SNPH: variants seen among roughly 807,000 people sequenced by gnomAD.
SNPH encodes syntaphilin.
A neutral mutation model predicts 36.8 loss-of-function variants in SNPH; 10 were observed. The observed-to-expected ratio is 0.27, with a 90% CI of 0.17 to 0.46. The LOEUF is 0.46. Ranked by LOEUF, SNPH falls within the 20% of genes least tolerant of loss-of-function variation. The pLI, the probability that SNPH is intolerant of heterozygous loss-of-function variation, is 1.00. For synonymous variants in SNPH, 281 were observed against 312.2 expected (o/e 0.90, Z 1.05); for missense variants, 622 against 744.0 (o/e 0.84, Z 1.91).
intron 2 of SNPH, among the ~76,000 whole-genome samples, chr20:1,281,730 C>T (rs1217551343): frequency 6.6e-6 from 1 of 152,246 alleles, no homozygotes; most frequent in Non-Finnish European, 1.5e-5. Flanking sequence ...CTCTTCTGCC[C>T]AACCCCTCAG....
intron 2 of SNPH, among the ~76,000 whole-genome samples, chr20:1,275,968 C>A (rs2088127163): frequency 6.6e-6 from 1 of 152,154 alleles, no homozygotes; most frequent in South Asian, 2.1e-4. Flanking sequence ...GTCTCAAGGC[C>A]CAGCTCAAAC....
At position 1,297,028 on chromosome 20, in the gene SNPH, CCT is replaced by C; in HGVS notation, c.183-116_183-115del. 2.7e-6 allele frequency: 4 copies of C among 1,465,432 alleles called. 1 individual carries two copies. The South Asian group carries it at 5.8e-5, about 21-fold the overall frequency. The allele number at this position is 1,465,432 out of a possible 1,614,324, so 90.8% of individuals were successfully genotyped here. A position where few individuals can be genotyped will look rare whatever the true frequency, so the allele number is the denominator to read the frequency against. On this transcript the variant is annotated intron_variant, in intron 4 of 6. Coordinates refer to ENST00000381867, the MANE Select transcript of SNPH (RefSeq NM_001318234.2). ...CGTCTCTCTCTCCCTGCTTCTCTCC[CCT>C]GTGGTGACCCCAAAGCGGGGGCACT... is the stretch of plus-strand genomic sequence containing the variant.
At chr20:1,267,506 G>A (rs1442028189) in intron 2 of SNPH, among the ~76,000 whole-genome samples, 1 of 152,188 alleles carries the variant, frequency 6.6e-6, no homozygotes, top group Non-Finnish European at 1.5e-5. Context: ...GCAGAGTCGT[G>A]TAAGGAAAGT....
At position 1,266,896 on chromosome 20, in the gene SNPH, AC is replaced by A; in HGVS notation, c.-493+139del. On this transcript the variant is annotated intron_variant, in intron 2 of 6. Transcript: ENST00000381867. This position sits in a 1 kb window ranked among gnomAD's most constrained non-coding sequence, Gnocchi z 6.0. ...GAGGGGTTAATCGTGACTCATTCTT[AC>A]CCTCCCTTCATTCCCCTACATCCCT... is the stretch of plus-strand genomic sequence containing the variant. The A allele has an allele frequency of 8.4e-7, 1 of 1,192,828 alleles. No individual in the cohort carries two copies. The highest frequency in any genetic ancestry group is 1.1e-6 in the Non-Finnish European group (1 of 946,946). 73.9% of individuals were successfully genotyped at this position (1,192,828 alleles called of 1,614,324 possible).
chr20:1,278,496 G>A (rs2088179463), intron 2 of SNPH, among the ~76,000 whole-genome samples: 1 of 151,946 alleles, frequency 6.6e-6, no homozygotes, highest in Non-Finnish European at 1.5e-5. Context: ...CATCTCCATC[G>A]TCCCCAAAAG....
intron 2 of SNPH, among the ~76,000 whole-genome samples, chr20:1,278,359 C>T (rs2088177982): frequency 6.6e-6 from 1 of 152,138 alleles, no homozygotes; most frequent in Non-Finnish European, 1.5e-5. Flanking sequence ...CACTCTTTCC[C>T]ATCCTCCTCC....
rs2088406326 is a variant in SNPH, at chr20:1,294,663, GT to G, written c.-492-287del. On this transcript the variant is annotated intron_variant, in intron 2 of 6. Transcript: ENST00000381867. This position sits in a 1 kb window ranked among gnomAD's most constrained non-coding sequence, Gnocchi z 4.4. ...TCCAGGGGAACAGGCTGTGTTCTAT[GT>G]CCCCGCCAGGAAACAGGCCATCTGA... is the stretch of plus-strand genomic sequence containing the variant. Among the ~76,000 whole-genome samples, 1 of 152,194 alleles carries G rather than the reference GT, an allele frequency of 6.6e-6. No individual in the cohort carries two copies. Among genetic ancestry groups the G allele is most frequent in the Non-Finnish European group, 1.5e-5 (1 of 68,032 alleles).
chr20:1,298,220 C>T (rs537450431), intron 5 of SNPH, among the ~76,000 whole-genome samples: 6 of 151,546 alleles, frequency 4.0e-5, no homozygotes, highest in African/African-American at 9.7e-5. Flanking sequence ...TCGGAAGCTT[C>T]GGTGACTTGA....
Position 1,305,074 on chromosome 20 carries a change from G to A in SNPH, c.637G>A (p.Asp213Asn). ...CAAGGGGCTGCAGAAGTACTTCGTGGACATCAACATCCAGAACAAGAAGCT... is the reference window on the plus strand; with the variant it reads ...CAAGGGGCTGCAGAAGTACTTCGTGAACATCAACATCCAGAACAAGAAGCT... ...KDKGLQKYFV[D>N]INIQNKKLET... Residue 213 changes from aspartate to asparagine, a missense_variant, in exon 7 of 7, where the codon GAC becomes AAC. Asp to Asn is a conservative substitution (Grantham distance 23). Around this residue, in one of 3 missense-constraint regions of SNPH, gnomAD observed 56 missense variants for 106.6 expected, o/e 0.53. Coordinates refer to ENST00000381867, the MANE Select transcript of SNPH (RefSeq NM_001318234.2). 6.2e-7 allele frequency: 1 copy of A among 1,614,056 alleles called. No homozygotes were observed. Among genetic ancestry groups the A allele is most frequent in the Non-Finnish European group, 8.5e-7 (1 of 1,180,044 alleles).
rs568063050 is a variant in SNPH at position 1,299,941 on chromosome 20, G to A, written c.291-621G>A. 1.1e-4 allele frequency among the ~76,000 whole-genome samples: 17 copies of A among 152,306 alleles called. No homozygotes were observed. In the South Asian group the frequency reaches 3.5e-3, roughly 32 times the overall value. ...TATGGAGACAGCTGTGCCTGCGCGTGTCTGCCCTCCCTGTCCCCAGGCTGT... is the reference window on the plus strand; with the variant it reads ...TATGGAGACAGCTGTGCCTGCGCGTATCTGCCCTCCCTGTCCCCAGGCTGT... On this transcript the variant is annotated intron_variant, in intron 5 of 6. Transcript: ENST00000381867.
chr20:1,272,250 A>G (rs1288231266), intron 2 of SNPH, among the ~76,000 whole-genome samples: 1 of 152,132 alleles, frequency 6.6e-6, no homozygotes, highest in Non-Finnish European at 1.5e-5. Flanking sequence ...TTTTTCCCTC[A>G]GAGCTTCTGT....
chr20:1,289,075 T>C (rs1294966857), intron 2 of SNPH, among the ~76,000 whole-genome samples: 1 of 152,220 alleles, frequency 6.6e-6, no homozygotes, highest in African/African-American at 2.4e-5. Flanking sequence ...GTAGGTTTTT[T>C]CTTTTATGCA....
chr20:1,280,512 C>G (rs774334142), intron 2 of SNPH, among the ~76,000 whole-genome samples: 2 of 152,186 alleles, frequency 1.3e-5, no homozygotes, highest in Non-Finnish European at 2.9e-5. Flanking sequence ...GCTGACAAGG[C>G]AGAGGTCGGG....
chr20:1,277,596 GTCTCTGTGTGTGTCTGTGTATGTGTGCC>G (rs1169799390), intron 2 of SNPH, among the ~76,000 whole-genome samples: 1 of 135,256 alleles, frequency 7.4e-6, no homozygotes, highest in Non-Finnish European at 1.6e-5. Flanking sequence ...GTCAGTGTCT[GTCTCTGTGTGTGTCTGTGTATGTGTGCC>G]TGTGTGTGTG....
In SNPH at chr20:1,276,892, T is replaced by C. The variant is rs751724764; in HGVS notation, c.-493+10132T>C. Among the ~76,000 whole-genome samples the C allele has an allele frequency of 3.3e-5, 5 of 152,222 alleles. No individual in the cohort carries two copies. Among genetic ancestry groups the C allele is most frequent in the African/African-American group, 4.8e-5 (2 of 41,462 alleles). On this transcript the variant is annotated intron_variant, in intron 2 of 6. Coordinates refer to ENST00000381867, the MANE Select transcript of SNPH (RefSeq NM_001318234.2). The surrounding 1 kb of genome is among the most constrained non-coding windows in gnomAD (Gnocchi z 4.6). ...TTCCTGTCCAGAATTTTTGCGATTC[T>C]GTGAAGACTTGACTCAGATCTCGTT... is the stretch of plus-strand genomic sequence containing the variant.
At chr20:1,274,257 G>A (rs2088105996) in intron 2 of SNPH, among the ~76,000 whole-genome samples, 1 of 152,062 alleles carries the variant, frequency 6.6e-6, no homozygotes, top group African/African-American at 2.4e-5. Flanking sequence ...ATGGGAGAGA[G>A]TGTGGGCTTC....
chr20:1,266,963 T>C lies in SNPH; in HGVS notation c.-493+203T>C, dbSNP rs1239833654. Reference sequence around the variant, plus strand: ...CCTCCCCCTCCCTGAAATGTAAGAATTAGAGGGTGCTGATTGCAGCAGAGA... The same window carrying C: ...CCTCCCCCTCCCTGAAATGTAAGAACTAGAGGGTGCTGATTGCAGCAGAGA... On this transcript the variant is annotated intron_variant, in intron 2 of 6. Transcript: ENST00000381867. This position sits in a 1 kb window ranked among gnomAD's most constrained non-coding sequence, Gnocchi z 6.0. Among the ~76,000 whole-genome samples the C allele has an allele frequency of 1.3e-5, 2 of 152,028 alleles. No individual in the cohort carries two copies. Among genetic ancestry groups the C allele is most frequent in the Non-Finnish European group, 2.9e-5 (2 of 67,972 alleles).
At chr20:1,303,549 T>A (rs868766512) in intron 6 of SNPH, among the ~76,000 whole-genome samples, 13 of 152,338 alleles carry the variant, frequency 8.5e-5, no homozygotes, top group Middle Eastern at 3.4e-3. Context: ...TGCCCCTCAG[T>A]ACCTGTTGCC....
chr20:1,267,349 G>C (rs1422292263), intron 2 of SNPH, among the ~76,000 whole-genome samples: 4 of 152,178 alleles, frequency 2.6e-5, no homozygotes, highest in Admixed American at 6.5e-5. Flanking sequence ...ACACCTACTA[G>C]CCTGGGGAGC....
Sources: gnomAD v4.1 joint callset for allele counts (sites outside exome capture counted in the v4.1 genomes callset) on GRCh38, gnomAD v4.1.1 for gene constraint, gnomAD v4.1.1 regional missense constraint, Gnocchi (gnomAD v3.1) non-coding constraint, MANE v1.5 for transcripts, NCBI Gene and HGNC (gene_info 2026-07-23, HGNC 2026-07-21) for gene names.